HECW1: variants seen among roughly 807,000 people sequenced by gnomAD.
HECW1 encodes the protein HECT, C2 and WW domain containing E3 ubiquitin protein ligase 1.
In HECW1, 61 loss-of-function variants were observed where a neutral mutation model predicts 182.3. That is an observed-to-expected ratio of 0.33 (90% CI 0.27 to 0.41). HECW1 has a LOEUF of 0.41. HECW1 is among the 10% of genes least tolerant of loss of function. HECW1 has a pLI of 1.00. For missense variants in HECW1, 1,739 were observed against 2,108.9 expected, an observed-to-expected ratio of 0.82 and a Z score of 3.44; for synonymous variants, 859 against 832.6, an observed-to-expected ratio of 1.03 and a Z score of -0.55.
Position 43,479,673 on chromosome 7 carries a change from A to T in HECW1, c.3163A>T (p.Asn1055Tyr). 6.2e-7 allele frequency: 1 copy of T among 1,614,026 alleles called. No individual in the cohort carries two copies. Among genetic ancestry groups the T allele is most frequent in the Non-Finnish European group, 8.5e-7 (1 of 1,180,002 alleles). ...CATTGACCCCCGAATCCCTCTTCAG[A>T]ACGGTCGTCTTCCCAATCATCTAAC... ...TFIDPRIPLQNGRLPNHLTHR... is the reference protein window; with the variant it reads ...TFIDPRIPLQYGRLPNHLTHR... The change falls in exon 17 of 30, where the codon AAC becomes TAC. Residue 1055 changes from asparagine to tyrosine, a missense_variant. Asn to Tyr is a moderately radical substitution (Grantham distance 143). Transcript: ENST00000395891.
chr7:43,412,425 TTTTATTTATTTA>T (rs200549707), intron 8 of HECW1, among the ~76,000 whole-genome samples: 13 of 147,058 alleles, frequency 8.8e-5, no homozygotes, highest in East Asian at 6.0e-4. Flanking sequence ...TTTTCATTTC[TTTTATTTATTTA>T]TTTATTTATT....
chr7:43,406,688 C>T lies in HECW1; in HGVS notation c.632-874C>T, dbSNP rs551571853. Reference sequence around the variant, plus strand: ...ATCCCAACACTTTGGGAGGCCGAGGCGGGCGGATCACCTGAGGTCAGGAGT... The same window carrying T: ...ATCCCAACACTTTGGGAGGCCGAGGTGGGCGGATCACCTGAGGTCAGGAGT... On this transcript the variant is annotated intron_variant, in intron 7 of 29. Coordinates refer to ENST00000395891, the MANE Select transcript of HECW1 (RefSeq NM_015052.5). Among the ~76,000 whole-genome samples the T allele has an allele frequency of 4.5e-4, 68 of 152,208 alleles. 1 individual carries two copies. Among genetic ancestry groups the T allele is most frequent in the Non-Finnish European group, 8.1e-4 (55 of 68,010 alleles).
In HECW1 at chr7:43,300,663, G is replaced by A. The variant is rs79420769; in HGVS notation, c.28-11100G>A. Reference sequence around the variant, plus strand: ...CACTGAATTTATATCAGATATGGCCGTGTTCATCCGGGGCACTTTGATCAC... The same window carrying A: ...CACTGAATTTATATCAGATATGGCCATGTTCATCCGGGGCACTTTGATCAC... On this transcript the variant is annotated intron_variant, in intron 3 of 29. Transcript: ENST00000395891. Among the ~76,000 whole-genome samples, 1,280 of 152,230 alleles carry A rather than the reference G, an allele frequency of 8.4e-3. 24 individuals are homozygous for A. Among genetic ancestry groups the A allele is most frequent in the African/African-American group, 0.029 (1,203 of 41,522 alleles).
At chr7:43,435,988 C>G (rs1435871313) in intron 8 of HECW1, among the ~76,000 whole-genome samples, 1 of 151,922 alleles carries the variant, frequency 6.6e-6, no homozygotes. Context: ...CACAGTGAAA[C>G]GCTGTCTGTA....
At chr7:43,469,178 G>C (rs908918904) in intron 16 of HECW1, 73 bp downstream of exon 16, 4 of 1,477,548 alleles carry the variant, frequency 2.7e-6, no homozygotes, top group Non-Finnish European at 3.7e-6. Flanking sequence ...AAGGGCGTGA[G>C]GAGGAGAGTG....
intron 2 of HECW1, among the ~76,000 whole-genome samples, chr7:43,157,602 TCAACCTGGA>T (rs1400540455): frequency 6.6e-6 from 1 of 152,184 alleles, no homozygotes; most frequent in Non-Finnish European, 1.5e-5. Flanking sequence ...ACTATGTCAC[TCAACCTGGA>T]GTGCAGTGGT....
At chr7:43,149,877 ACTT>A (rs1478705713) in intron 2 of HECW1, among the ~76,000 whole-genome samples, 1 of 152,124 alleles carries the variant, frequency 6.6e-6, no homozygotes, top group African/African-American at 2.4e-5. Flanking sequence ...TACTATTTTT[ACTT>A]CTTTTTTCAT....
chr7:43,433,992 T>G (rs2076630680), intron 8 of HECW1, among the ~76,000 whole-genome samples: 1 of 152,126 alleles, frequency 6.6e-6, no homozygotes, highest in African/African-American at 2.4e-5. Context: ...TGCAAAGAGA[T>G]AAAATTCCCA....
chr7:43,293,551 A>C (rs1805674990), intron 3 of HECW1, among the ~76,000 whole-genome samples: 1 of 152,002 alleles, frequency 6.6e-6, no homozygotes, highest in South Asian at 2.1e-4. Flanking sequence ...GCATGAAACA[A>C]CCTTAGGTTC....
chr7:43,188,228 A>G (rs536337162), intron 2 of HECW1, among the ~76,000 whole-genome samples: 16 of 152,304 alleles, frequency 1.1e-4, no homozygotes, highest in Admixed American at 6.5e-5. Context: ...ATGAAAAGTT[A>G]TTTCCAAATC....
At chr7:43,366,685 A>C (rs1816694955) in intron 6 of HECW1, among the ~76,000 whole-genome samples, 2 of 152,312 alleles carry the variant, frequency 1.3e-5, no homozygotes, top group Admixed American at 6.5e-5. Flanking sequence ...AATAAACATC[A>C]ATCACCATGT....
chr7:43,506,456 T>C (rs929337928), intron 21 of HECW1, among the ~76,000 whole-genome samples: 1 of 152,206 alleles, frequency 6.6e-6, no homozygotes, highest in Non-Finnish European at 1.5e-5. Context: ...TTTATTCTCA[T>C]TAGAACTCAT....
At chr7:43,168,630 A>G (rs1409670019) in intron 2 of HECW1, among the ~76,000 whole-genome samples, 1 of 152,188 alleles carries the variant, frequency 6.6e-6, no homozygotes, top group East Asian at 1.9e-4. Flanking sequence ...ACTACACTTC[A>G]GCCTGGGTGA....
rs1464091103 is a variant in HECW1 at position 43,445,172 on chromosome 7, A to G, written c.2000A>G (p.Asp667Gly). 3.1e-6 allele frequency: 5 copies of G among 1,611,528 alleles called. No individual in the cohort carries two copies. The highest frequency in any genetic ancestry group is 1.7e-4 in the Middle Eastern group (1 of 6,056). Reference protein sequence around the residue: ...ESDSSPRQGGDHSCEGCDASC... With the variant: ...ESDSSPRQGGGHSCEGCDASC... The stretch of plus-strand genomic sequence containing the variant: ...GACTCCAGCCCCAGGCAAGGCGGGG[A>G]CCACAGTTGCGAGGGCTGTGACGCG... Residue 667 changes from aspartate (D) to glycine (G), a missense_variant, in exon 11 of 30, where the codon GAC (aspartate) becomes GGC (glycine). Coordinates refer to ENST00000395891, the MANE Select transcript of HECW1 (RefSeq NM_015052.5).
At chr7:43,516,774 CT>C (rs371782002) in intron 24 of HECW1, among the ~76,000 whole-genome samples, 16 of 152,322 alleles carry the variant, frequency 1.1e-4, no homozygotes, top group African/African-American at 3.4e-4. Flanking sequence ...TTACACAAAC[CT>C]AGATGGCAGA....
intron 3 of HECW1, among the ~76,000 whole-genome samples, chr7:43,284,703 A>G (rs1488513888): frequency 6.6e-6 from 1 of 152,054 alleles, no homozygotes; most frequent in Non-Finnish European, 1.5e-5. Flanking sequence ...CATCTCCCCA[A>G]TTTCCCTTCC....
At position 43,274,242 on chromosome 7, in the gene HECW1, T is replaced by C. The variant is rs1337966629; in HGVS notation, c.27+30310T>C. On this transcript the variant is annotated intron_variant, in intron 3 of 29. Coordinates refer to ENST00000395891, the MANE Select transcript of HECW1 (RefSeq NM_015052.5). ...CAAATGCCACACACTGCCCCTCTAC[T>C]GCATGCGAATCTTTGCGCCTAAATC... 9 of 694,778 alleles carry C rather than the reference T, an allele frequency of 1.3e-5. No homozygotes were observed. In the South Asian group the frequency reaches 1.8e-4, roughly 14 times the overall value. The allele number at this position is 694,778 out of a possible 1,614,324, so 43.0% of individuals were successfully genotyped here.
At chr7:43,160,481 AAG>A (rs1222640501) in intron 2 of HECW1, among the ~76,000 whole-genome samples, 1 of 152,136 alleles carries the variant, frequency 6.6e-6, no homozygotes, top group African/African-American at 2.4e-5. Context: ...ATTTTGATAA[AAG>A]AGAGATATAA....
intron 3 of HECW1, chr7:43,245,683 AGTTCTCACTGG>A (rs2152721521): frequency 1.3e-5 from 2 of 152,396 alleles, no homozygotes; most frequent in South Asian, 4.1e-4. Context: ...TATGTGAGTG[AGTTCTCACTGG>A]GTAACATGAG....
Sources: gnomAD v4.1 joint callset for allele counts (sites outside exome capture counted in the v4.1 genomes callset) on GRCh38, gnomAD v4.1.1 for gene constraint, MANE v1.5 for transcripts, NCBI Gene and HGNC (gene_info 2026-07-23, HGNC 2026-07-21) for gene names.